The following NKAIN2 variants were observed in gnomAD, a reference collection of about 807,000 sequenced individuals.
NKAIN2 encodes sodium/potassium-transporting ATPase subunit beta-1-interacting protein 2.
A neutral mutation model predicts 32.6 loss-of-function variants in NKAIN2; 14 were observed. That is an observed-to-expected ratio of 0.43 (90% CI 0.28 to 0.67). The LOEUF (loss-of-function observed/expected upper bound fraction) is 0.67, where lower values mean the gene tolerates loss of function less well. Among genes scored for constraint, NKAIN2 ranks in the 30% least tolerant of loss-of-function variants. The pLI, the probability that NKAIN2 is intolerant of heterozygous loss-of-function variation, is 0.17. For missense variants in NKAIN2, 198 were observed against 258.3 expected, an observed-to-expected ratio of 0.77 and a Z score of 1.60; for synonymous variants, 80 against 87.2, an observed-to-expected ratio of 0.92 and a Z score of 0.46.
chr6:124,700,459 G>A (rs1200892112), intron 4 of NKAIN2, among the ~76,000 whole-genome samples: 1 of 152,148 alleles, frequency 6.6e-6, no homozygotes, highest in African/African-American at 2.4e-5. Flanking sequence ...ACAGTTAGAA[G>A]ACTTTATGTC....
chr6:124,434,035 C>A (rs144766295), intron 3 of NKAIN2, among the ~76,000 whole-genome samples: 1 of 152,272 alleles, frequency 6.6e-6, no homozygotes, highest in East Asian at 1.9e-4. Context: ...CATTATCCAT[C>A]TGATGCAGTG....
At chr6:124,257,612 G>A (rs901607491) in intron 1 of NKAIN2, among the ~76,000 whole-genome samples, 10 of 151,910 alleles carry the variant, frequency 6.6e-5, no homozygotes, top group African/African-American at 2.2e-4. Context: ...ACCTAAAAAG[G>A]TCTACTCTAA....
At chr6:124,589,850 C>G (rs939585500) in intron 3 of NKAIN2, among the ~76,000 whole-genome samples, 1 of 151,966 alleles carries the variant, frequency 6.6e-6, no homozygotes, top group African/African-American at 2.4e-5. Context: ...CCAACAAGCC[C>G]TGGCATATGA....
At chr6:124,700,035 T>A (rs1562331261) in intron 4 of NKAIN2, among the ~76,000 whole-genome samples, 1 of 152,162 alleles carries the variant, frequency 6.6e-6, no homozygotes, top group Non-Finnish European at 1.5e-5. Flanking sequence ...CCAGCAGAAT[T>A]CTCTGCTCAG....
At chr6:124,562,725 C>G (rs1780742213) in intron 3 of NKAIN2, among the ~76,000 whole-genome samples, 1 of 151,908 alleles carries the variant, frequency 6.6e-6, no homozygotes, top group African/African-American at 2.4e-5. Context: ...GAAGGAGTGC[C>G]ATTTGTTTTA....
At chr6:124,036,224 G>A (rs1215049416) in intron 1 of NKAIN2, among the ~76,000 whole-genome samples, 2 of 152,038 alleles carry the variant, frequency 1.3e-5, no homozygotes, top group Non-Finnish European at 2.9e-5. Context: ...TATGGTTGTC[G>A]AGGACATGAA....
chr6:124,491,952 A>C (rs1173136098), intron 3 of NKAIN2, among the ~76,000 whole-genome samples: 3 of 151,960 alleles, frequency 2.0e-5, no homozygotes, highest in Non-Finnish European at 4.4e-5. Context: ...AGCTTACAAC[A>C]GAAATGCGTT....
chr6:124,364,250 A>AAAAAAAGAGAG lies in NKAIN2; in HGVS notation c.273+8904_273+8905insAAAAAGAGAGA, dbSNP rs3054409. On this transcript the variant is annotated intron_variant, in intron 3 of 6. Coordinates refer to ENST00000368417, the MANE Select transcript of NKAIN2 (RefSeq NM_001040214.3). The stretch of plus-strand genomic sequence containing the variant: ...GGTTAAAAATACCAAAAAAAAAAAA[A>AAAAAAAGAGAG]AGAGAGAAAAGAATGTCAAAAACAT... 1.1e-3 allele frequency among the ~76,000 whole-genome samples: 156 copies of AAAAAAAGAGAG among 139,730 alleles called. 2 individuals are homozygous for AAAAAAAGAGAG. Among genetic ancestry groups the AAAAAAAGAGAG allele is most frequent in the Admixed American group, 6.8e-3 (95 of 14,044 alleles). The allele number at this position is 139,730 out of a possible 152,430, so 91.7% of individuals were successfully genotyped here. A position where few individuals can be genotyped will look rare whatever the true frequency, so the allele number is the denominator to read the frequency against.
chr6:123,995,948 C>A (rs1779605139), intron 1 of NKAIN2, among the ~76,000 whole-genome samples: 1 of 152,086 alleles, frequency 6.6e-6, no homozygotes, highest in South Asian at 2.1e-4. Flanking sequence ...CACCCATACT[C>A]AAATAAATTT....
chr6:124,265,965 A>G (rs987544701), intron 1 of NKAIN2, among the ~76,000 whole-genome samples: 1 of 152,226 alleles, frequency 6.6e-6, no homozygotes, highest in African/African-American at 2.4e-5. Context: ...ACTGAAAAAT[A>G]AACAAAACCC....
At chr6:124,503,399 G>A (rs1778366238) in intron 3 of NKAIN2, among the ~76,000 whole-genome samples, 1 of 152,002 alleles carries the variant, frequency 6.6e-6, no homozygotes, top group Admixed American at 6.6e-5. Context: ...TTTTCATAAT[G>A]TAAATAGGAG....
At chr6:124,221,234 G>T (rs566399687) in intron 1 of NKAIN2, among the ~76,000 whole-genome samples, 6 of 151,868 alleles carry the variant, frequency 4.0e-5, no homozygotes, top group East Asian at 1.9e-4. Context: ...CCATAAAAAA[G>T]GATGAGTTCA....
chr6:124,462,222 A>G (rs572600135), intron 3 of NKAIN2, among the ~76,000 whole-genome samples: 1 of 152,042 alleles, frequency 6.6e-6, no homozygotes, highest in African/African-American at 2.4e-5. Context: ...GAAAGAGAGT[A>G]TGCACAATGA....
At chr6:123,810,056 C>T (rs1347593505) in intron 1 of NKAIN2, among the ~76,000 whole-genome samples, 1 of 151,898 alleles carries the variant, frequency 6.6e-6, no homozygotes, top group African/African-American at 2.4e-5. Flanking sequence ...GAAGCTTGTT[C>T]TTGGCTAAAT....
chr6:123,855,006 C>A (rs1775502545), intron 1 of NKAIN2, among the ~76,000 whole-genome samples: 1 of 152,152 alleles, frequency 6.6e-6, no homozygotes, highest in Non-Finnish European at 1.5e-5. Flanking sequence ...TCTACTCTGT[C>A]CGAATGTCAT....
intron 3 of NKAIN2, among the ~76,000 whole-genome samples, chr6:124,380,831 A>C (rs1485673823): frequency 1.3e-5 from 2 of 152,250 alleles, no homozygotes; most frequent in Non-Finnish European, 2.9e-5. Flanking sequence ...TGAGGATAAA[A>C]GATTCATTTG....
chr6:123,883,168 G>A (rs1470771598), intron 1 of NKAIN2, among the ~76,000 whole-genome samples: 1 of 151,794 alleles, frequency 6.6e-6, no homozygotes, highest in Non-Finnish European at 1.5e-5. Flanking sequence ...TTTTTGAGAC[G>A]GAGTCTTGCT....
intron 1 of NKAIN2, among the ~76,000 whole-genome samples, chr6:123,973,709 A>G (rs538041679): frequency 1.3e-5 from 2 of 152,184 alleles, no homozygotes; most frequent in African/African-American, 2.4e-5. Flanking sequence ...AAAAACTGCA[A>G]TTACTTTTGC....
At chr6:124,126,189 CT>C (rs1235947187) in intron 1 of NKAIN2, among the ~76,000 whole-genome samples, 1 of 151,880 alleles carries the variant, frequency 6.6e-6, no homozygotes, top group African/African-American at 2.4e-5. Context: ...ACAATACTGT[CT>C]GTCTATCTTT....
Sources: gnomAD v4.1 joint callset for allele counts (sites outside exome capture counted in the v4.1 genomes callset) on GRCh38, gnomAD v4.1.1 for gene constraint, MANE v1.5 for transcripts, NCBI Gene and HGNC (gene_info 2026-07-23, HGNC 2026-07-21) for gene names.